ZNF385B: variants seen among roughly 807,000 people sequenced by gnomAD.
ZNF385B encodes the protein zinc finger protein 533.
A neutral mutation model predicts 39.2 loss-of-function variants in ZNF385B; 23 were observed. The ratio of observed to expected loss-of-function variants is 0.59; its 90% CI spans 0.42 to 0.83. The LOEUF (loss-of-function observed/expected upper bound fraction) is 0.83. Ranked by LOEUF, ZNF385B falls within the 40% of genes least tolerant of loss-of-function variation. ZNF385B has a pLI of 0.00. For missense variants in ZNF385B, 552 were observed against 598.9 expected (o/e 0.92, Z 0.82); for synonymous variants, 205 against 222.6 (o/e 0.92, Z 0.70).
rs989047714 is a variant in ZNF385B at position 179,445,448 on chromosome 2, C to T, written c.1140+102G>A. On this transcript the variant is annotated intron_variant, in intron 8 of 9. Coordinates refer to ENST00000410066, the MANE Select transcript of ZNF385B (RefSeq NM_152520.6). The stretch of plus-strand genomic sequence containing the variant: ...TTGTCTGCATCCTACAAAAGTTAGT[C>T]AACTTAACTGTGAGCACAGTAAAAA... 1.1e-5 allele frequency: 13 copies of T among 1,174,078 alleles called. No homozygotes were observed. In the Admixed American group the frequency reaches 2.9e-4, roughly 26 times the overall value. 72.7% of individuals were successfully genotyped at this position (1,174,078 alleles called of 1,614,324 possible).
At chr2:179,655,252 C>A (rs1236246201) in intron 3 of ZNF385B, among the ~76,000 whole-genome samples, 1 of 152,078 alleles carries the variant, frequency 6.6e-6, no homozygotes, top group Non-Finnish European at 1.5e-5. Context: ...ATGGAGAATA[C>A]TACTCTACAG....
chr2:179,723,215 A>C (rs1172592514), intron 3 of ZNF385B, among the ~76,000 whole-genome samples: 2 of 152,218 alleles, frequency 1.3e-5, no homozygotes, highest in African/African-American at 4.8e-5. Flanking sequence ...TTCTGGGGCT[A>C]TAGCATAAAA....
At chr2:179,522,526 CTA>C (rs1436196090) in intron 4 of ZNF385B, among the ~76,000 whole-genome samples, 3 of 62,816 alleles carry the variant, frequency 4.8e-5, no homozygotes, top group East Asian at 1.2e-3. Context: ...ACAGTCAAAA[CTA>C]TGTTCTATAT....
At chr2:179,526,434 AAAAAT>A (rs1431600254) in intron 4 of ZNF385B, among the ~76,000 whole-genome samples, 1 of 151,954 alleles carries the variant, frequency 6.6e-6, no homozygotes, top group African/African-American at 2.4e-5. Context: ...TACTAAAAAA[AAAAAT>A]ACAGAATTAG....
At chr2:179,816,706 A>G (rs1345448578) in intron 1 of ZNF385B, among the ~76,000 whole-genome samples, 1 of 152,212 alleles carries the variant, frequency 6.6e-6, no homozygotes, top group East Asian at 1.9e-4. Context: ...TCTAACTAGT[A>G]AGACTAAGAA....
chr2:179,507,765 A>G (rs1363477588), intron 5 of ZNF385B, among the ~76,000 whole-genome samples: 2 of 152,172 alleles, frequency 1.3e-5, no homozygotes, highest in Non-Finnish European at 2.9e-5. Flanking sequence ...CATGTTAACC[A>G]GCTACAGTAT....
At chr2:179,804,224 A>C (rs548571785) in intron 1 of ZNF385B, among the ~76,000 whole-genome samples, 1 of 152,308 alleles carries the variant, frequency 6.6e-6, no homozygotes, top group Admixed American at 6.5e-5. Context: ...GCATTACCAG[A>C]AGATGTACTC....
At chr2:179,629,342 CT>C (rs1690968771) in intron 3 of ZNF385B, among the ~76,000 whole-genome samples, 2 of 152,200 alleles carry the variant, frequency 1.3e-5, no homozygotes, top group Non-Finnish European at 1.5e-5. Flanking sequence ...ATTACAGGAT[CT>C]GTCATGGTAA....
intron 3 of ZNF385B, among the ~76,000 whole-genome samples, chr2:179,739,181 G>A (rs1701942023): frequency 6.6e-6 from 1 of 152,172 alleles, no homozygotes; most frequent in African/African-American, 2.4e-5. Context: ...AAAACGTCTT[G>A]CATATGGTTA....
chr2:179,780,919 T>A (rs1704625718), intron 1 of ZNF385B, among the ~76,000 whole-genome samples: 1 of 152,154 alleles, frequency 6.6e-6, no homozygotes, highest in South Asian at 2.1e-4. Flanking sequence ...ATCAGATAAA[T>A]AACACTTTTC....
chr2:179,480,647 A>T (rs914346384), intron 6 of ZNF385B, among the ~76,000 whole-genome samples: 1 of 152,086 alleles, frequency 6.6e-6, no homozygotes, highest in African/African-American at 2.4e-5. Context: ...AGAAGCTGAC[A>T]TATGGTTGAT....
intron 5 of ZNF385B, among the ~76,000 whole-genome samples, chr2:179,508,846 G>A (rs1256964479): frequency 6.6e-6 from 1 of 151,700 alleles, no homozygotes; most frequent in Non-Finnish European, 1.5e-5. Context: ...AGACATCTAT[G>A]TATTTAAAGA....
chr2:179,617,570 C>T (rs1689855412), intron 3 of ZNF385B, among the ~76,000 whole-genome samples: 2 of 152,106 alleles, frequency 1.3e-5, no homozygotes, highest in African/African-American at 4.8e-5. Context: ...ACCTGGAAGG[C>T]TTATTAAAAC....
intron 3 of ZNF385B, among the ~76,000 whole-genome samples, chr2:179,642,484 C>T (rs1692356093): frequency 6.6e-6 from 1 of 152,076 alleles, no homozygotes; most frequent in Non-Finnish European, 1.5e-5. Flanking sequence ...AAACTATTTT[C>T]TATATTAATC....
intron 3 of ZNF385B, among the ~76,000 whole-genome samples, chr2:179,688,316 G>A (rs1698082051): frequency 6.6e-6 from 1 of 152,054 alleles, no homozygotes; most frequent in Admixed American, 6.6e-5. Flanking sequence ...GAATATTCAA[G>A]GAAAGTAAGT....
intron 3 of ZNF385B, among the ~76,000 whole-genome samples, chr2:179,618,375 C>A (rs1392780343): frequency 6.6e-6 from 1 of 152,106 alleles, no homozygotes. Context: ...GTCCCCCAGC[C>A]TTAAATGTCA....
intron 1 of ZNF385B, among the ~76,000 whole-genome samples, chr2:179,803,288 G>A (rs1303399282): frequency 6.6e-6 from 1 of 152,014 alleles, no homozygotes; most frequent in Non-Finnish European, 1.5e-5. Context: ...TAGTAAATAT[G>A]AACATTTCCA....
intron 1 of ZNF385B, among the ~76,000 whole-genome samples, chr2:179,811,504 A>AC (rs1695221080): frequency 6.6e-6 from 1 of 152,164 alleles, no homozygotes; most frequent in South Asian, 2.1e-4. Flanking sequence ...CTCCACACCT[A>AC]CAGCCTTTTG....
chr2:179,599,091 T>C (rs908418846), intron 3 of ZNF385B, among the ~76,000 whole-genome samples: 2 of 152,236 alleles, frequency 1.3e-5, no homozygotes, highest in African/African-American at 2.4e-5. Flanking sequence ...CTGTCAATGA[T>C]AGATTGCATA....
Sources: gnomAD v4.1 joint callset for allele counts (sites outside exome capture counted in the v4.1 genomes callset) on GRCh38, gnomAD v4.1.1 for gene constraint, MANE v1.5 for transcripts, NCBI Gene and HGNC (gene_info 2026-07-23, HGNC 2026-07-21) for gene names.